ITGA11: variants seen among roughly 807,000 people sequenced by gnomAD.
The protein encoded by ITGA11 is integrin subunit alpha 11.
In ITGA11, 97 loss-of-function variants were observed where a neutral mutation model predicts 141.9. The ratio of observed to expected loss-of-function variants is 0.68; its 90% CI spans 0.58 to 0.81. The LOEUF (loss-of-function observed/expected upper bound fraction) is 0.81. Among genes scored for constraint, ITGA11 ranks in the 30% least tolerant of loss-of-function variants. ITGA11 has a pLI of 0.00. For missense variants in ITGA11, 1,387 were observed against 1,559.2 expected, an observed-to-expected ratio of 0.89 and a Z score of 1.86; for synonymous variants, 658 against 624.6, an observed-to-expected ratio of 1.05 and a Z score of -0.80.
chr15:68,326,891 G>A lies in ITGA11; in HGVS notation c.2069-95C>T, dbSNP rs752751272. 5.1e-6 allele frequency: 7 copies of A among 1,374,650 alleles called. No homozygotes were observed. The highest frequency in any genetic ancestry group is 6.9e-6 in the Non-Finnish European group (7 of 1,020,264). 85.2% of individuals were successfully genotyped at this position (1,374,650 alleles called of 1,614,324 possible). ...CAGGAAGCCCCCCAGGCTGGCCAGG[G>A]GAGAGCTGTTCCTTTCCTCTCACGA... is the stretch of plus-strand genomic sequence containing the variant. On this transcript the variant is annotated intron_variant, in intron 16 of 29. Transcript: ENST00000315757. This position sits in a 1 kb window ranked among gnomAD's most constrained non-coding sequence, Gnocchi z 6.8.
chr15:68,336,780 T>C (rs560929313), intron 11 of ITGA11, among the ~76,000 whole-genome samples: 9 of 152,348 alleles, frequency 5.9e-5, no homozygotes, highest in Admixed American at 5.9e-4. Flanking sequence ...TGTGAGTGTG[T>C]GTGTGCACAT....
At chr15:68,383,270 C>CA (rs1290460669) in intron 2 of ITGA11, among the ~76,000 whole-genome samples, 18 of 114,806 alleles carry the variant, frequency 1.6e-4, no homozygotes, top group Non-Finnish European at 2.3e-4. Flanking sequence ...GGCTCTGCCT[C>CA]AAAAAAAAGA....
chr15:68,369,014 C>T (rs904098404), intron 3 of ITGA11, among the ~76,000 whole-genome samples, 170 bp downstream of exon 3: 1 of 152,048 alleles, frequency 6.6e-6, no homozygotes, highest in Non-Finnish European at 1.5e-5. Flanking sequence ...GCCTCCTCTC[C>T]CTGGCCTCAG....
At chr15:68,382,934 A>G (rs575985216) in intron 2 of ITGA11, among the ~76,000 whole-genome samples, 1 of 152,324 alleles carries the variant, frequency 6.6e-6, no homozygotes, top group East Asian at 1.9e-4. Context: ...GGTTGCTTGG[A>G]AGAGAAGGCA....
chr15:68,414,626 C>A (rs143376986), intron 1 of ITGA11, among the ~76,000 whole-genome samples: 2 of 152,326 alleles, frequency 1.3e-5, no homozygotes, highest in African/African-American at 4.8e-5. Flanking sequence ...TCCGCCTCCT[C>A]TGGACTTATT....
chr15:68,333,126 G>A lies in ITGA11; in HGVS notation c.1426-648C>T, dbSNP rs1398833551. ...GTTAGCTTTTTTTTTTTGAGGCAAG[G>A]TTTTGCTCCATCACCCAGACTGGAG... On this transcript the variant is annotated intron_variant, in intron 12 of 29. Coordinates refer to ENST00000315757, the MANE Select transcript of ITGA11 (RefSeq NM_001004439.2). The surrounding 1 kb of genome is among the most constrained non-coding windows in gnomAD (Gnocchi z 4.2). Among the ~76,000 whole-genome samples, 1 of 147,964 alleles carries A rather than the reference G, an allele frequency of 6.8e-6. No individual in the cohort carries two copies. The highest frequency in any genetic ancestry group is 1.5e-5 in the Non-Finnish European group (1 of 67,120).
chr15:68,313,441 A>G (rs771213508), intron 23 of ITGA11, among the ~76,000 whole-genome samples: 2 of 152,102 alleles, frequency 1.3e-5, no homozygotes, highest in African/African-American at 2.4e-5. Flanking sequence ...GATAGATATT[A>G]TTTCTGTTTT....
intron 1 of ITGA11, among the ~76,000 whole-genome samples, chr15:68,424,763 A>C (rs1237917420): frequency 1.3e-5 from 2 of 152,246 alleles, no homozygotes; most frequent in South Asian, 4.1e-4. Flanking sequence ...CAGGAATTTT[A>C]AGTCCCAGCT....
At chr15:68,355,471 A>G (rs1895043363) in intron 7 of ITGA11, among the ~76,000 whole-genome samples, 1 of 150,886 alleles carries the variant, frequency 6.6e-6, no homozygotes, top group Non-Finnish European at 1.5e-5. Flanking sequence ...TTTTTGAGAC[A>G]GGGTCTGGCT....
At position 68,307,086 on chromosome 15, in the gene ITGA11, A is replaced by G. The variant is rs899482833; in HGVS notation, c.3381+262T>C. Among the ~76,000 whole-genome samples the G allele has an allele frequency of 6.6e-6, 1 of 152,184 alleles. No homozygotes were observed. Among genetic ancestry groups the G allele is most frequent in the Non-Finnish European group, 1.5e-5 (1 of 68,032 alleles). On this transcript the variant is annotated intron_variant, in intron 28 of 29. Coordinates refer to ENST00000315757, the MANE Select transcript of ITGA11 (RefSeq NM_001004439.2). The surrounding 1 kb of genome is among the most constrained non-coding windows in gnomAD (Gnocchi z 6.1). ...TTTTACGCAACTAACAGAGGCTGAT[A>G]CCGAGGCATCTCCCATCCTTTGGTC... is the stretch of plus-strand genomic sequence containing the variant.
In ITGA11 at chr15:68,311,307, C is replaced by T. The variant is rs542557338; in HGVS notation, c.3070G>A (p.Asp1024Asn). 3 of 1,571,644 alleles carry T rather than the reference C, an allele frequency of 1.9e-6. No individual in the cohort carries two copies. Among genetic ancestry groups the T allele is most frequent in the East Asian group, 2.3e-5 (1 of 42,764 alleles). Residue 1024 changes from aspartate to asparagine, a missense_variant, in exon 25 of 30, where the codon GAC becomes AAC. Asp to Asn is a conservative substitution (Grantham distance 23). Transcript: ENST00000315757. ...RSGNRLLKLR[D>N]FLTDEANTSC... The stretch of plus-strand genomic sequence containing the variant: ...ATCACCACCTCGTCCGTGAGGAAGT[C>T]CCTCAGCTTCAGTAGGCGGTTGCCG...
At chr15:68,309,403 C>T (rs1893305931) in intron 26 of ITGA11, among the ~76,000 whole-genome samples, 1 of 152,058 alleles carries the variant, frequency 6.6e-6, no homozygotes, top group African/African-American at 2.4e-5. Context: ...CTCCTGCTCG[C>T]TCCTCTCAAA....
In ITGA11 at chr15:68,325,524, G is replaced by A. The variant is rs534633777; in HGVS notation, c.2212-283C>T. Among the ~76,000 whole-genome samples the A allele has an allele frequency of 3.1e-3, 467 of 152,284 alleles. No homozygotes were observed. Among genetic ancestry groups the A allele is most frequent in the African/African-American group, 0.01 (434 of 41,550 alleles). On this transcript the variant is annotated intron_variant, in intron 17 of 29. Coordinates refer to ENST00000315757, the MANE Select transcript of ITGA11 (RefSeq NM_001004439.2). This position sits in a 1 kb window ranked among gnomAD's most constrained non-coding sequence, Gnocchi z 5.5. ...CTTCGGGGCCAGACTCCCATTGCCC[G>A]GGTACCTCGGCCTCTGGGAAGCCTG... is the stretch of plus-strand genomic sequence containing the variant.
intron 2 of ITGA11, among the ~76,000 whole-genome samples, chr15:68,399,318 G>A (rs1394716651): frequency 2.0e-5 from 3 of 152,070 alleles, no homozygotes; most frequent in African/African-American, 7.2e-5. Context: ...ATGCTCCAGA[G>A]TAACAGTTGT....
At chr15:68,368,507 CGG>C in intron 3 of ITGA11, among the ~76,000 whole-genome samples, 1 of 152,216 alleles carries the variant, frequency 6.6e-6, no homozygotes, top group Non-Finnish European at 1.5e-5. Flanking sequence ...AGGAGGGCTT[CGG>C]AGGCTGGGGG....
At chr15:68,403,754 C>G (rs1211049314) in intron 1 of ITGA11, among the ~76,000 whole-genome samples, 6 of 152,082 alleles carry the variant, frequency 3.9e-5, no homozygotes, top group Admixed American at 3.9e-4. Context: ...TGTGCCTCAG[C>G]CTCCCAAGGA....
At chr15:68,414,020 C>T (rs1896834099) in intron 1 of ITGA11, among the ~76,000 whole-genome samples, 1 of 152,206 alleles carries the variant, frequency 6.6e-6, no homozygotes, top group Admixed American at 6.5e-5. Flanking sequence ...GCTGGGGCTT[C>T]TGGACACACC....
intron 15 of ITGA11, among the ~76,000 whole-genome samples, chr15:68,329,808 C>T (rs146999952): frequency 6.6e-6 from 1 of 152,292 alleles, no homozygotes; most frequent in Non-Finnish European, 1.5e-5. Flanking sequence ...CACAGACCTT[C>T]GAAGAGACAG....
intron 2 of ITGA11, among the ~76,000 whole-genome samples, chr15:68,393,116 T>A (rs1896156610): frequency 6.6e-6 from 1 of 152,168 alleles, no homozygotes; most frequent in South Asian, 2.1e-4. Flanking sequence ...TGGGTTTAGC[T>A]GCACAATGGA....
Sources: gnomAD v4.1 joint callset for allele counts (sites outside exome capture counted in the v4.1 genomes callset) on GRCh38, gnomAD v4.1.1 for gene constraint, Gnocchi (gnomAD v3.1) non-coding constraint, MANE v1.5 for transcripts, NCBI Gene and HGNC (gene_info 2026-07-23, HGNC 2026-07-21) for gene names.